The following MYBPH variants were observed in gnomAD, a reference collection of about 807,000 sequenced individuals.
MYBPH encodes the protein myosin-binding protein H.
In MYBPH, 49 loss-of-function variants were observed where a neutral mutation model predicts 53.6. The observed-to-expected ratio is 0.91, with a 90% CI of 0.73 to 1.16. The LOEUF (loss-of-function observed/expected upper bound fraction) is 1.16. Ranked by LOEUF, MYBPH falls within the 50% of genes most tolerant of loss-of-function variation. The probability of loss-of-function intolerance (pLI) is 0.00; values close to 1 mark genes in which losing one functional copy is unlikely to be tolerated. For synonymous variants in MYBPH, 239 were observed against 249.6 expected (o/e 0.96, Z 0.40); for missense variants, 558 against 624.1 (o/e 0.89, Z 1.13).
chr1:203,168,536 T>C, intron 10 of MYBPH, 91 bp downstream of exon 10: 8 of 1,302,478 alleles, frequency 6.1e-6, no homozygotes, highest in Non-Finnish European at 8.7e-6. Context: ...ACCACCACCT[T>C]CCCTTCTCAC....
rs1655788620 is a variant in MYBPH, at chr1:203,175,472, G to T, written c.206-11C>A. On this transcript the variant is annotated splice_polypyrimidine_tract_variant and intron_variant, in intron 1 of 10. Coordinates refer to ENST00000255416, the MANE Select transcript of MYBPH (RefSeq NM_004997.3). The stretch of plus-strand genomic sequence containing the variant: ...GGGCACTGGGGACATCTGGGGAGAT[G>T]AAGAGGTTCATGGCCAAGAGCTCCC... The T allele has an allele frequency of 6.2e-7, 1 of 1,602,162 alleles. No individual in the cohort carries two copies. The highest frequency in any genetic ancestry group is 8.5e-7 in the Non-Finnish European group (1 of 1,172,698).
At position 203,171,230 on chromosome 1, in the gene MYBPH, G is replaced by A. The variant is rs761569872; in HGVS notation, c.794-30C>T. ...AGGCCCAGAGTGTGAGAGGAAGTGAGTGTGAGGGCCAGGCTGGCCACAGAG... is the reference window on the plus strand; with the variant it reads ...AGGCCCAGAGTGTGAGAGGAAGTGAATGTGAGGGCCAGGCTGGCCACAGAG... On this transcript the variant is annotated intron_variant, in intron 5 of 10. Transcript: ENST00000255416. This position sits in a 1 kb window ranked among gnomAD's most constrained non-coding sequence, Gnocchi z 4.2. 1 of 1,566,648 alleles carries A rather than the reference G, an allele frequency of 6.4e-7. No individual in the cohort carries two copies. The highest frequency in any genetic ancestry group is 8.7e-7 in the Non-Finnish European group (1 of 1,155,402).
Position 203,171,881 on chromosome 1 carries a change from T to C in MYBPH, c.597+71A>G. On this transcript the variant is annotated intron_variant, in intron 4 of 10. Transcript: ENST00000255416. This position sits in a 1 kb window ranked among gnomAD's most constrained non-coding sequence, Gnocchi z 4.2. The stretch of plus-strand genomic sequence containing the variant: ...CTGGACCCTTGGAGACCCTGCCATC[T>C]CCCAGGCTCCCCTTAAATGGGGGCC... 9.8e-7 allele frequency: 1 copy of C among 1,023,674 alleles called. No homozygotes were observed. Among genetic ancestry groups the C allele is most frequent in the Non-Finnish European group, 1.3e-6 (1 of 771,676 alleles). 63.4% of individuals were successfully genotyped at this position (1,023,674 alleles called of 1,614,324 possible).
upstream of MYBPH, among the ~76,000 whole-genome samples, chr1:203,178,647 G>C (rs1284420710): frequency 6.6e-6 from 1 of 152,244 alleles, no homozygotes; most frequent in African/African-American, 2.4e-5. Flanking sequence ...TCAGGAAACA[G>C]AAAACGTTTC....
Position 203,174,445 on chromosome 1 carries a change from TG to T in MYBPH, c.492del (p.His164GlnfsTer57), listed in dbSNP as rs1344735093. On this transcript the variant is annotated frameshift_variant, in exon 3 of 11. Transcript: ENST00000255416. LOFTEE classifies it high-confidence loss of function. ...GPPAMLDQPI[H>X]IRENIEAPKI... is the part of the protein sequence containing the mutation. ...TGGGCTTTACCAATGTTCTCTCGGA[TG>T]TGGATGGGCTGGTCCAGCATGGCCG... The T allele has an allele frequency of 6.3e-7, 1 of 1,598,754 alleles. No individual in the cohort carries two copies. The highest frequency in any genetic ancestry group is 2.3e-5 in the East Asian group (1 of 44,442).
intron 2 of MYBPH, 129 bp downstream of exon 2, chr1:203,175,198 G>A: frequency 8.3e-7 from 1 of 1,201,000 alleles, no homozygotes. Flanking sequence ...GGGTTGAGGA[G>A]CCTACTGCTC....
chr1:203,168,707 G>T, intron 9 of MYBPH, 32 bp from the exon 10 acceptor site: 5 of 1,582,876 alleles, frequency 3.2e-6, no homozygotes, highest in Non-Finnish European at 4.3e-6. Context: ...GAGCTTGGGG[G>T]AAGTGGCGGG....
chr1:203,171,317 C>A lies in MYBPH; in HGVS notation c.793+66G>T. On this transcript the variant is annotated intron_variant, in intron 5 of 10. Coordinates refer to ENST00000255416, the MANE Select transcript of MYBPH (RefSeq NM_004997.3). The surrounding 1 kb of genome is among the most constrained non-coding windows in gnomAD (Gnocchi z 4.2). Reference sequence around the variant, plus strand: ...TTGGCCTGCTCCCATCAGCCATCAGCTCTGGGATAGGAGGTTGGGGGCTCC... The same window carrying A: ...TTGGCCTGCTCCCATCAGCCATCAGATCTGGGATAGGAGGTTGGGGGCTCC... 6.4e-7 allele frequency: 1 copy of A among 1,570,202 alleles called. No individual in the cohort carries two copies. Among genetic ancestry groups the A allele is most frequent in the South Asian group, 1.2e-5 (1 of 83,660 alleles).
chr1:203,174,627 T>C (rs1571823013), intron 2 of MYBPH, 30 bp from the exon 3 acceptor site: 2 of 1,540,820 alleles, frequency 1.3e-6, no homozygotes, highest in Non-Finnish European at 1.8e-6. Flanking sequence ...GTGAGGTCTT[T>C]GCAATGTGGC....
rs201925660 is a variant in MYBPH at position 203,175,470 on chromosome 1, A to C, written c.206-9T>G. On this transcript the variant is annotated splice_polypyrimidine_tract_variant and intron_variant, in intron 1 of 10. Coordinates refer to ENST00000255416, the MANE Select transcript of MYBPH (RefSeq NM_004997.3). ...TGGGGCACTGGGGACATCTGGGGAG[A>C]TGAAGAGGTTCATGGCCAAGAGCTC... is the stretch of plus-strand genomic sequence containing the variant. The C allele has an allele frequency of 1.6e-5, 25 of 1,600,648 alleles. No homozygotes were observed. In the South Asian group the frequency reaches 2.6e-4, roughly 16 times the overall value.
Position 203,175,248 on chromosome 1 carries a change from A to G in MYBPH, c.340+79T>C, listed in dbSNP as rs1358327693. ...TGTATCTCTCCCAGACTGACCAACC[A>G]CAGGGCCTGTGCACTTGTCCCTGCA... On this transcript the variant is annotated intron_variant, in intron 2 of 10. Transcript: ENST00000255416. 4 of 1,477,876 alleles carry G rather than the reference A, an allele frequency of 2.7e-6. No individual in the cohort carries two copies. The African/African-American group carries it at 4.2e-5, about 16-fold the overall frequency. The allele number at this position is 1,477,876 out of a possible 1,614,324, so 91.5% of individuals were successfully genotyped here.
At chr1:203,174,317 G>A (rs1655755800) in intron 3 of MYBPH, 113 bp downstream of exon 3, 1 of 1,473,658 alleles carries the variant, frequency 6.8e-7, no homozygotes, top group Non-Finnish European at 9.0e-7. Context: ...GTGCATGTGA[G>A]CGTGGGACGG....
upstream of MYBPH, among the ~76,000 whole-genome samples, chr1:203,177,933 C>G (rs894499445): frequency 2.6e-5 from 4 of 152,258 alleles, no homozygotes; most frequent in Non-Finnish European, 5.9e-5. Flanking sequence ...GGGCTGTGAC[C>G]TTGGGATCAG....
intron 3 of MYBPH, 189 bp downstream of exon 3, chr1:203,174,241 C>T: frequency 1.1e-6 from 1 of 912,728 alleles, no homozygotes; most frequent in Non-Finnish European, 1.3e-6. Flanking sequence ...CTTAGACCTC[C>T]AGAGGCCCCT....
chr1:203,170,774 C>T (rs759343567), intron 6 of MYBPH, among the ~76,000 whole-genome samples: 9 of 152,224 alleles, frequency 5.9e-5, no homozygotes, highest in Non-Finnish European at 1.3e-4. Context: ...GACTCTGCCT[C>T]TTAGCAAGCT....
Position 203,175,662 on chromosome 1 carries a change from C to G in MYBPH, c.94G>C (p.Glu32Gln). 1 of 1,614,144 alleles carries G rather than the reference C, an allele frequency of 6.2e-7. No individual in the cohort carries two copies. Among genetic ancestry groups the G allele is most frequent in the Non-Finnish European group, 8.5e-7 (1 of 1,180,032 alleles). Residue 32 changes from glutamate to glutamine, a missense_variant, in exon 1 of 11, where the codon GAA becomes CAA. Physicochemically the swap from Glu to Gln is conservative, Grantham distance 29 (BLOSUM62 2). Transcript: ENST00000255416. ...AKVPTAEPPG[E>Q]VAVSESTREE... ...CTGGTGGACTCTGATACTGCCACTTCTCCGGGAGGCTCTGCTGTGGGCACC... is the reference window on the plus strand; with the variant it reads ...CTGGTGGACTCTGATACTGCCACTTGTCCGGGAGGCTCTGCTGTGGGCACC...
At position 203,175,606 on chromosome 1, in the gene MYBPH, A is replaced by C; in HGVS notation, c.150T>G (p.Pro50=). ...REEQVPKPQA[P]APQAPTASTA... is the part of the protein sequence containing the mutation. ...TGGAGGCTGTAGGGGCCTGTGGGGC[A>C]GGGGCCTGCGGCTTGGGCACCTGCT... Residue 50 remains proline, a synonymous_variant, in exon 1 of 11, where the codon CCT becomes CCG. Coordinates refer to ENST00000255416, the MANE Select transcript of MYBPH (RefSeq NM_004997.3). 1 of 1,613,750 alleles carries C rather than the reference A, an allele frequency of 6.2e-7. No homozygotes were observed. The highest frequency in any genetic ancestry group is 8.5e-7 in the Non-Finnish European group (1 of 1,179,974).
At chr1:203,168,544 C>T in intron 10 of MYBPH, 83 bp downstream of exon 10, 1 of 1,399,380 alleles carries the variant, frequency 7.1e-7, no homozygotes, top group Non-Finnish European at 9.9e-7. Context: ...CTTCCCTTCT[C>T]ACCCCAACCC....
chr1:203,177,090 T>C (rs75001356), upstream of MYBPH, among the ~76,000 whole-genome samples: 2,538 of 152,318 alleles, frequency 0.017, 74 homozygotes, highest in East Asian at 0.11. Context: ...CACACAGAAA[T>C]GTTGCGTCTC....
Sources: allele counts gnomAD v4.1 joint callset (sites outside exome capture counted in the v4.1 genomes callset), GRCh38; gene constraint gnomAD v4.1.1; non-coding constraint Gnocchi (gnomAD v3.1); transcripts MANE v1.5; gene names NCBI Gene and HGNC (gene_info 2026-07-23, HGNC 2026-07-21).